Variants in RARS1 observed in about 807,000 individuals in gnomAD.
RARS1 encodes arginyl-tRNA synthetase 1, also known as arginine--tRNA ligase, cytoplasmic.
Under a neutral mutation model 78.7 loss-of-function variants are expected in RARS1, and 75 were observed. The observed-to-expected ratio is 0.95, with a 90% CI of 0.79 to 1.15. RARS1 has a LOEUF of 1.15. RARS1 is among the 50% of genes most tolerant of loss of function. The pLI, the probability that RARS1 is intolerant of heterozygous loss-of-function variation, is 0.00. For missense variants in RARS1, 787 were observed against 787.5 expected (o/e 1.00, Z 0.01); for synonymous variants, 273 against 268.2 (o/e 1.02, Z -0.18).
At chr5:168,495,079 G>T in intron 5 of RARS1, 1 of 616,712 alleles carries the variant, frequency 1.6e-6, no homozygotes. Context: ...GAAATAGAAT[G>T]GATAATTTGT....
chr5:168,489,262 C>G (rs962704851), intron 2 of RARS1, among the ~76,000 whole-genome samples: 1 of 152,076 alleles, frequency 6.6e-6, no homozygotes, highest in Non-Finnish European at 1.5e-5. Context: ...TCAAGCAACC[C>G]TCCCTGTCTT....
At chr5:168,492,909 A>G in intron 3 of RARS1, 62 bp downstream of exon 3, 1 of 1,317,868 alleles carries the variant, frequency 7.6e-7, no homozygotes, top group Non-Finnish European at 1.0e-6. Flanking sequence ...CATCATTGCC[A>G]TTTACAGAAA....
In RARS1 at chr5:168,516,879, C is replaced by T. The variant is rs781609894; in HGVS notation, c.1554C>T (p.Phe518=). ...ATAACCGGTTGAATGACTACATCTT[C>T]TCCTTTGACAAAATGCTAGATGACA... ...LSHNRLNDYI[F]SFDKMLDDRG... The change falls in exon 13 of 15, where the codon TTC becomes TTT. Residue 518 remains phenylalanine (F), a synonymous_variant. Coordinates refer to ENST00000231572, the MANE Select transcript of RARS1 (RefSeq NM_002887.4). The T allele has an allele frequency of 6.2e-7, 1 of 1,614,146 alleles. No homozygotes were observed. The highest frequency in any genetic ancestry group is 8.5e-7 in the Non-Finnish European group (1 of 1,179,986).
intron 14 of RARS1, 115 bp downstream of exon 14, chr5:168,518,177 G>A: frequency 8.1e-7 from 1 of 1,238,138 alleles, no homozygotes; most frequent in Non-Finnish European, 1.0e-6. Context: ...TCAAACTTCT[G>A]GCCTCAAGTG....
At chr5:168,509,012 T>G (rs747909829) in intron 11 of RARS1, among the ~76,000 whole-genome samples, 7 of 152,040 alleles carry the variant, frequency 4.6e-5, no homozygotes, top group Non-Finnish European at 8.8e-5. Context: ...TTTAAAGCTC[T>G]CGGTATTCAG....
chr5:168,513,884 G>A (rs1300735079), intron 12 of RARS1, among the ~76,000 whole-genome samples: 1 of 152,088 alleles, frequency 6.6e-6, no homozygotes, highest in African/African-American at 2.4e-5. Context: ...GTCCAAAAAT[G>A]TCTTTGTTAT....
intron 1 of RARS1, chr5:168,488,330 G>A: frequency 5.3e-6 from 2 of 378,708 alleles, no homozygotes; most frequent in South Asian, 2.5e-5. Context: ...GTTTCGCTAT[G>A]TTTGCCATGC....
At position 168,510,574 on chromosome 5, in the gene RARS1, T is replaced by C. The variant is rs762224723; in HGVS notation, c.1347-7T>C. ...CAAAATCTGATTGGGGGTTTTACATTTTTTAGGAAAAAGTTTAAAACACGT... is the reference window on the plus strand; with the variant it reads ...CAAAATCTGATTGGGGGTTTTACATCTTTTAGGAAAAAGTTTAAAACACGT... On this transcript the variant is annotated splice_region_variant and splice_polypyrimidine_tract_variant and intron_variant, in intron 11 of 14. Transcript: ENST00000231572. 6.2e-7 allele frequency: 1 copy of C among 1,600,678 alleles called. No individual in the cohort carries two copies. The highest frequency in any genetic ancestry group is 1.1e-5 in the South Asian group (1 of 87,996).
rs1758298118 is a variant in RARS1 at position 168,500,577 on chromosome 5, A to G, written c.823-14A>G. 1.4e-6 allele frequency: 2 copies of G among 1,458,584 alleles called. No individual in the cohort carries two copies. The highest frequency in any genetic ancestry group is 1.8e-6 in the Non-Finnish European group (2 of 1,110,690). The allele number at this position is 1,458,584 out of a possible 1,614,324, so 90.4% of individuals were successfully genotyped here. A position where few individuals can be genotyped will look rare whatever the true frequency, so the allele number is the denominator to read the frequency against. On this transcript the variant is annotated splice_polypyrimidine_tract_variant and intron_variant, in intron 7 of 14. Transcript: ENST00000231572. ...TTTTACACACCTTACTTTTTAAAAT[A>G]TATATATATACAGGAATCTAAGAAG... is the stretch of plus-strand genomic sequence containing the variant.
Position 168,518,071 on chromosome 5 carries a change from C to CTTTTTTTTTTTTTT in RARS1, c.1873+20_1873+33dup, listed in dbSNP as rs747777615. Reference sequence around the variant, plus strand: ...GAAAGATAGACAGACTGGTGAGTGTCTTTTTTTTTTTTTTTTTTTTTTTTA... The same window carrying CTTTTTTTTTTTTTT: ...GAAAGATAGACAGACTGGTGAGTGTCTTTTTTTTTTTTTTTTTTTTTTTTTTTTTTTTTTTTTTA... On this transcript the variant is annotated intron_variant, in intron 14 of 14. Transcript: ENST00000231572. 4.0e-3 allele frequency: 3,025 copies of CTTTTTTTTTTTTTT among 748,048 alleles called. 372 individuals are homozygous for CTTTTTTTTTTTTTT. The highest frequency in any genetic ancestry group is 7.8e-3 in the East Asian group (57 of 7,346). 46.3% of individuals were successfully genotyped at this position (748,048 alleles called of 1,614,324 possible).
Position 168,488,534 on chromosome 5 carries a change from C to T in RARS1, c.46-68C>T, listed in dbSNP as rs199995979. 176 of 1,491,962 alleles carry T rather than the reference C, an allele frequency of 1.2e-4. 2 individuals are homozygous for T. In the South Asian group the frequency reaches 2.1e-3, roughly 18 times the overall value. 92.4% of individuals were successfully genotyped at this position (1,491,962 alleles called of 1,614,324 possible). A position where few individuals can be genotyped will look rare whatever the true frequency, so the allele number is the denominator to read the frequency against. ...TTAATGATTCCCATGGTCTATGCCA[C>T]GCCTTGGTAGAGAGGGGAAATGTGG... is the stretch of plus-strand genomic sequence containing the variant. On this transcript the variant is annotated intron_variant, in intron 1 of 14. Coordinates refer to ENST00000231572, the MANE Select transcript of RARS1 (RefSeq NM_002887.4).
In RARS1 at chr5:168,513,736, A is replaced by G. The variant is rs181322208; in HGVS notation, c.1453-3042A>G. Among the ~76,000 whole-genome samples, 207 of 152,226 alleles carry G rather than the reference A, an allele frequency of 1.4e-3. 1 individual carries two copies. Among genetic ancestry groups the G allele is most frequent in the Middle Eastern group, 6.8e-3 (2 of 294 alleles). On this transcript the variant is annotated intron_variant, in intron 12 of 14. Transcript: ENST00000231572. ...TATTATTTTGCATTAGACAATCAGT[A>G]CTTACATTTATCTATATATTTTCGC...
chr5:168,502,913 A>G (rs1758361234), intron 9 of RARS1, among the ~76,000 whole-genome samples: 2 of 152,254 alleles, frequency 1.3e-5, no homozygotes, highest in South Asian at 2.1e-4. Flanking sequence ...CTTAAGTTCT[A>G]TAAATCTGAG....
rs556260847 is a variant in RARS1 at position 168,503,002 on chromosome 5, A to G, written c.1057+897A>G. Among the ~76,000 whole-genome samples, 4 of 152,346 alleles carry G rather than the reference A, an allele frequency of 2.6e-5. No homozygotes were observed. The East Asian group carries it at 7.7e-4, about 29-fold the overall frequency. Reference sequence around the variant, plus strand: ...CCTAAATAATTTCCCATATGGAACTATTTAGCATAATTCCTTGTCTGTGTT... The same window carrying G: ...CCTAAATAATTTCCCATATGGAACTGTTTAGCATAATTCCTTGTCTGTGTT... On this transcript the variant is annotated intron_variant, in intron 9 of 14. Coordinates refer to ENST00000231572, the MANE Select transcript of RARS1 (RefSeq NM_002887.4).
intron 12 of RARS1, among the ~76,000 whole-genome samples, chr5:168,514,067 T>G (rs543931409): frequency 5.3e-5 from 8 of 152,326 alleles, no homozygotes; most frequent in African/African-American, 1.9e-4. Context: ...TAGTTTCCTT[T>G]GAAAATCAGT....
chr5:168,515,137 T>A (rs1157234720), intron 12 of RARS1, among the ~76,000 whole-genome samples: 1 of 152,188 alleles, frequency 6.6e-6, no homozygotes, highest in Non-Finnish European at 1.5e-5. Flanking sequence ...TTTTCTCCCC[T>A]GTAAAGTTAG....
At chr5:168,499,487 A>G (rs1398625042) in intron 7 of RARS1, among the ~76,000 whole-genome samples, 6 of 152,182 alleles carry the variant, frequency 3.9e-5, no homozygotes, top group Admixed American at 3.9e-4. Context: ...GGATTCCTGT[A>G]TTAAAAAGTA....
In RARS1 at chr5:168,519,146, A is replaced by G. The variant is rs748870239; in HGVS notation, c.1939A>G (p.Lys647Glu). 9.9e-6 allele frequency: 16 copies of G among 1,614,108 alleles called. No homozygotes were observed. The highest frequency in any genetic ancestry group is 1.4e-5 in the Non-Finnish European group (16 of 1,179,966). The change falls in exon 15 of 15, where the codon AAG becomes GAG. Residue 647 changes from lysine to glutamate, a missense_variant. Physicochemically the swap from Lys to Glu is moderately conservative, Grantham distance 56 (BLOSUM62 1). Coordinates refer to ENST00000231572, the MANE Select transcript of RARS1 (RefSeq NM_002887.4). ...TGAAGCAGTAGCTGCTGTCATGGCCAAGGGGTTTGATATCCTGGGAATAAA... is the reference window on the plus strand; with the variant it reads ...TGAAGCAGTAGCTGCTGTCATGGCCGAGGGGTTTGATATCCTGGGAATAAA... ...LCEAVAAVMA[K>E]GFDILGIKPV...
chr5:168,510,306 C>A (rs1758538820), intron 11 of RARS1, among the ~76,000 whole-genome samples: 2 of 152,120 alleles, frequency 1.3e-5, no homozygotes, highest in Non-Finnish European at 2.9e-5. Context: ...CTTTTGAGGG[C>A]TAGAGCATAG....
Sources: allele counts gnomAD v4.1 joint callset (sites outside exome capture counted in the v4.1 genomes callset), GRCh38; gene constraint gnomAD v4.1.1; transcripts MANE v1.5; gene names NCBI Gene and HGNC (gene_info 2026-07-23, HGNC 2026-07-21).